The following TRPV1 variants were observed in gnomAD, a reference collection of about 807,000 sequenced individuals.
TRPV1 encodes the protein OTRPC1.
In TRPV1, 82 loss-of-function variants were observed where a neutral mutation model predicts 82.3. The ratio of observed to expected loss-of-function variants is 1.00; its 90% CI spans 0.83 to 1.20. The LOEUF (loss-of-function observed/expected upper bound fraction) is 1.20. TRPV1 is among the 50% of genes most tolerant of loss of function. TRPV1 has a pLI of 0.00. For synonymous variants in TRPV1, 515 were observed against 467.7 expected, an observed-to-expected ratio of 1.10 and a Z score of -1.30; for missense variants, 1,067 against 1,096.8, an observed-to-expected ratio of 0.97 and a Z score of 0.38.
chr17:3,577,867 C>A, intron 11 of TRPV1, 104 bp from the exon 12 acceptor site: 1 of 1,102,594 alleles, frequency 9.1e-7, no homozygotes, highest in African/African-American at 1.6e-5. Flanking sequence ...CTGCAGGCCG[C>A]AATAGGAGCT....
chr17:3,571,139 C>T (rs1736853542), intron 16 of TRPV1, among the ~76,000 whole-genome samples: 1 of 152,218 alleles, frequency 6.6e-6, no homozygotes, highest in South Asian at 2.1e-4. Flanking sequence ...TCCGCACAGC[C>T]TCTCAGAGCT....
chr17:3,582,083 G>T (rs1376863781), intron 10 of TRPV1, among the ~76,000 whole-genome samples: 4 of 148,838 alleles, frequency 2.7e-5, no homozygotes, highest in Non-Finnish European at 5.9e-5. Flanking sequence ...CCAGCTACTC[G>T]GGAGGCTGAG....
In TRPV1 at chr17:3,591,367, A is replaced by C; in HGVS notation, c.285-14T>G. ...TGGGACAGCAGCCTGTGGGCCAGAA[A>C]ACACGCTCGTCTCATACCCTGGCCT... is the stretch of plus-strand genomic sequence containing the variant. On this transcript the variant is annotated splice_polypyrimidine_tract_variant and intron_variant, in intron 3 of 16. Transcript: ENST00000572705. 6.4e-7 allele frequency: 1 copy of C among 1,557,364 alleles called. No individual in the cohort carries two copies. The highest frequency in any genetic ancestry group is 8.7e-7 in the Non-Finnish European group (1 of 1,154,698).
chr17:3,575,956 G>A (rs1032788568), intron 13 of TRPV1, among the ~76,000 whole-genome samples: 8 of 152,116 alleles, frequency 5.3e-5, no homozygotes, highest in African/African-American at 1.9e-4. Flanking sequence ...GTCAGGCGCG[G>A]TGGCTCACCC....
intron 2 of TRPV1, among the ~76,000 whole-genome samples, chr17:3,594,536 CGGACGGCT>C (rs1218370411): frequency 6.6e-6 from 1 of 152,188 alleles, no homozygotes; most frequent in African/African-American, 2.4e-5. Flanking sequence ...GTGAACAGGA[CGGACGGCT>C]GGCTACTGGC....
At chr17:3,572,840 G>A (rs1369872326) in intron 14 of TRPV1, among the ~76,000 whole-genome samples, 32 of 152,170 alleles carry the variant, frequency 2.1e-4, no homozygotes, top group African/African-American at 7.7e-4. Flanking sequence ...AAAATTAGCT[G>A]GGTGTGGTGG....
At chr17:3,596,277 C>T (rs1014846774) in intron 2 of TRPV1, among the ~76,000 whole-genome samples, 18 of 147,890 alleles carry the variant, frequency 1.2e-4, no homozygotes, top group Non-Finnish European at 1.6e-4. Context: ...GGCTCCCCTG[C>T]TCCTCTCTCT....
intron 2 of TRPV1, among the ~76,000 whole-genome samples, chr17:3,596,291 C>T (rs973030202): frequency 7.2e-6 from 1 of 138,980 alleles, no homozygotes; most frequent in Non-Finnish European, 1.5e-5. Context: ...TCTCTCTGCC[C>T]AAAGCATCCA....
At chr17:3,608,632 A>C (rs1026848003) in intron 1 of TRPV1, 67 bp from the exon 2 acceptor site, 1 of 152,246 alleles carries the variant, frequency 6.6e-6, no homozygotes, top group Admixed American at 6.5e-5. Context: ...TAATATTGTC[A>C]GACCGTGGTT....
intron 2 of TRPV1, among the ~76,000 whole-genome samples, chr17:3,604,262 C>G (rs939250927): frequency 6.6e-6 from 1 of 152,202 alleles, no homozygotes; most frequent in Non-Finnish European, 1.5e-5. Flanking sequence ...CTGAGGACAC[C>G]TAGGCACCTG....
intron 10 of TRPV1, among the ~76,000 whole-genome samples, chr17:3,582,852 C>T (rs1011875782): frequency 2.6e-5 from 2 of 76,800 alleles, no homozygotes; most frequent in Non-Finnish European, 3.5e-5. Flanking sequence ...CCCAGCTACT[C>T]AGGAGAATTT....
At chr17:3,590,488 G>A (rs905170670) in intron 5 of TRPV1, 96 bp from the exon 6 acceptor site, 11 of 1,522,780 alleles carry the variant, frequency 7.2e-6, no homozygotes, top group Non-Finnish European at 8.8e-6. Flanking sequence ...AGCAGCTGCT[G>A]CAGGAGGAAC....
chr17:3,606,744 C>T (rs2075298326), intron 2 of TRPV1, among the ~76,000 whole-genome samples: 1 of 152,130 alleles, frequency 6.6e-6, no homozygotes, highest in African/African-American at 2.4e-5. Flanking sequence ...CTGGGACCCT[C>T]CAAGGCTCAG....
At chr17:3,567,124 G>A (rs1402631210) in intron 16 of TRPV1, 137 bp from the exon 17 acceptor site, 20 of 912,790 alleles carry the variant, frequency 2.2e-5, no homozygotes, top group African/African-American at 1.5e-4. Flanking sequence ...TTGGGAGGCC[G>A]AGGCAGGTGG....
chr17:3,567,083 C>T (rs1237665413), intron 16 of TRPV1, 96 bp from the exon 17 acceptor site: 1 of 1,397,916 alleles, frequency 7.2e-7, no homozygotes, highest in Non-Finnish European at 9.7e-7. Flanking sequence ...CCAAGACAGG[C>T]ACGATGGCTC....
intron 10 of TRPV1, among the ~76,000 whole-genome samples, chr17:3,582,114 C>T (rs1396228578): frequency 2.9e-5 from 4 of 139,942 alleles, no homozygotes; most frequent in Non-Finnish European, 4.5e-5. Flanking sequence ...GGCGTGAACC[C>T]AGGAGGCGGA....
At chr17:3,580,622 T>TG (rs765559508) in intron 10 of TRPV1, 95 bp from the exon 11 acceptor site, 7 of 1,287,396 alleles carry the variant, frequency 5.4e-6, no homozygotes, top group Non-Finnish European at 7.9e-6. Flanking sequence ...CATGATGGGG[T>TG]GGTCGAATGT....
intron 14 of TRPV1, among the ~76,000 whole-genome samples, chr17:3,572,785 C>T (rs952944767): frequency 6.6e-6 from 1 of 152,192 alleles, no homozygotes; most frequent in African/African-American, 2.4e-5. Flanking sequence ...GAGTTCAAAA[C>T]CAGCCTGGCC....
intron 10 of TRPV1, 59 bp from the exon 11 acceptor site, chr17:3,580,586 G>A (rs2074994486): frequency 1.3e-6 from 2 of 1,551,676 alleles, no homozygotes; most frequent in African/African-American, 1.4e-5. Flanking sequence ...TAAATGGTGA[G>A]CACTCAGATG....
Sources: gnomAD v4.1 joint callset for allele counts (sites outside exome capture counted in the v4.1 genomes callset) on GRCh38, gnomAD v4.1.1 for gene constraint, MANE v1.5 for transcripts, NCBI Gene and HGNC (gene_info 2026-07-23, HGNC 2026-07-21) for gene names.